Variants in MYLK observed in about 807,000 individuals in gnomAD.
MYLK encodes the protein myosin light chain kinase, smooth muscle.
A neutral mutation model predicts 203.4 loss-of-function variants in MYLK; 106 were observed. The ratio of observed to expected loss-of-function variants is 0.52; its 90% CI spans 0.45 to 0.61. The LOEUF (loss-of-function observed/expected upper bound fraction) is 0.61, where lower values mean the gene tolerates loss of function less well. Ranked by LOEUF, MYLK falls within the 20% of genes least tolerant of loss-of-function variation. The pLI is 0.00. For missense variants in MYLK, 2,072 were observed against 2,442.3 expected (o/e 0.85, Z 3.20); for synonymous variants, 867 against 959.5 (o/e 0.90, Z 1.78).
rs902017314 is a variant in MYLK, at chr3:123,855,292, A to C, written c.-127+21267T>G. Among the ~76,000 whole-genome samples the C allele has an allele frequency of 2.0e-5, 3 of 152,182 alleles. No homozygotes were observed. The South Asian group carries it at 6.2e-4, about 32-fold the overall frequency. Reference sequence around the variant, plus strand: ...GTTCTTTCATGTTTTTGACATCTTTATATTTCTGTGCCGCAGCCAGGCTAA... The same window carrying C: ...GTTCTTTCATGTTTTTGACATCTTTCTATTTCTGTGCCGCAGCCAGGCTAA... On this transcript the variant is annotated intron_variant, in intron 2 of 33. Transcript: ENST00000360304.
At chr3:123,841,747 T>C (rs1196726639) in intron 2 of MYLK, among the ~76,000 whole-genome samples, 1 of 152,156 alleles carries the variant, frequency 6.6e-6, no homozygotes, top group African/African-American at 2.4e-5. Context: ...ATCCAGTTCT[T>C]TTATACACCA....
chr3:123,672,248 A>C (rs1158495894), intron 20 of MYLK, among the ~76,000 whole-genome samples: 2 of 151,868 alleles, frequency 1.3e-5, no homozygotes, highest in African/African-American at 4.8e-5. Context: ...CGAGAGAGAA[A>C]GAGGGAGGAA....
intron 5 of MYLK, among the ~76,000 whole-genome samples, chr3:123,751,546 G>C (rs1387815356): frequency 2.0e-5 from 3 of 152,132 alleles, no homozygotes; most frequent in Non-Finnish European, 4.4e-5. Context: ...ATTTCATAAT[G>C]ACGCTAAAGA....
intron 3 of MYLK, among the ~76,000 whole-genome samples, chr3:123,824,048 C>G (rs965094051): frequency 6.6e-6 from 1 of 152,026 alleles, no homozygotes; most frequent in Non-Finnish European, 1.5e-5. Flanking sequence ...CCCCTCTACC[C>G]AATCTCTTCA....
At chr3:123,776,657 A>T (rs534377142) in intron 4 of MYLK, among the ~76,000 whole-genome samples, 1 of 152,366 alleles carries the variant, frequency 6.6e-6, no homozygotes, top group African/African-American at 2.4e-5. Context: ...AGCAGGATAC[A>T]AAACACTATG....
chr3:123,656,056 G>T (rs144121599), intron 24 of MYLK, among the ~76,000 whole-genome samples: 4 of 152,174 alleles, frequency 2.6e-5, no homozygotes, highest in Admixed American at 1.3e-4. Context: ...CTTGAAGTTC[G>T]TGCCCTTTCC....
rs1184266782 is a variant in MYLK, at chr3:123,737,683, C to T, written c.589-140G>A. On this transcript the variant is annotated intron_variant, in intron 7 of 33. Transcript: ENST00000360304. ...CTCTGCTGTGGGCCCTGTCAATGTG[C>T]TCAGAGAGCCAACTTTAAACAGTTC... 9.0e-6 allele frequency: 10 copies of T among 1,107,404 alleles called. No homozygotes were observed. In the East Asian group the frequency reaches 2.2e-4, roughly 24 times the overall value. The allele number at this position is 1,107,404 out of a possible 1,614,324, so 68.6% of individuals were successfully genotyped here.
chr3:123,674,526 G>A (rs1173879604), intron 20 of MYLK, among the ~76,000 whole-genome samples: 1 of 152,176 alleles, frequency 6.6e-6, no homozygotes, highest in Non-Finnish European at 1.5e-5. Context: ...TTCCCAAGAG[G>A]GAACAACTTT....
chr3:123,751,140 T>C (rs2063179671), intron 5 of MYLK, among the ~76,000 whole-genome samples: 2 of 152,228 alleles, frequency 1.3e-5, no homozygotes, highest in Non-Finnish European at 1.5e-5. Flanking sequence ...CCTTGGTTTA[T>C]AAACTTCCAG....
intron 1 of MYLK, among the ~76,000 whole-genome samples, chr3:123,879,838 T>C (rs554267917): frequency 9.9e-5 from 15 of 152,268 alleles, no homozygotes; most frequent in African/African-American, 3.4e-4. Context: ...GTATTTTTAG[T>C]AGAGACGGGG....
chr3:123,625,276 G>C (rs534971418), intron 31 of MYLK: 1 of 152,142 alleles, frequency 6.6e-6, no homozygotes, highest in African/African-American at 2.4e-5. Context: ...AGAACTATCC[G>C]GATAGTTTAT....
At chr3:123,866,288 T>A (rs762357150) in intron 2 of MYLK, among the ~76,000 whole-genome samples, 3 of 152,210 alleles carry the variant, frequency 2.0e-5, no homozygotes, top group Non-Finnish European at 4.4e-5. Context: ...CAGTCTTGGC[T>A]AGGGGGCTGG....
intron 2 of MYLK, among the ~76,000 whole-genome samples, chr3:123,874,384 A>G (rs1376557128): frequency 6.6e-6 from 1 of 152,196 alleles, no homozygotes; most frequent in African/African-American, 2.4e-5. Flanking sequence ...ACACAATTCA[A>G]TAAGAGAAGG....
At chr3:123,782,746 C>T (rs1038595345) in intron 4 of MYLK, among the ~76,000 whole-genome samples, 20 of 152,212 alleles carry the variant, frequency 1.3e-4, no homozygotes, top group Non-Finnish European at 1.5e-5. Context: ...CACGTTAAAA[C>T]AATAGGAGCC....
At chr3:123,627,583 G>C (rs1174713144) in intron 30 of MYLK, among the ~76,000 whole-genome samples, 1 of 152,152 alleles carries the variant, frequency 6.6e-6, no homozygotes, top group Non-Finnish European at 1.5e-5. Flanking sequence ...ACAGGACTAG[G>C]AAAGCCTAAA....
Position 123,747,427 on chromosome 3 carries a change from C to T in MYLK, c.373+4904G>A, listed in dbSNP as rs570455315. ...GGGGTAGGGAGGAGGTGTGCTTGGA[C>T]CATCTGGGAGGGGAGAGCCAGGCAG... On this transcript the variant is annotated intron_variant, in intron 5 of 33. Coordinates refer to ENST00000360304, the MANE Select transcript of MYLK (RefSeq NM_053025.4). Among the ~76,000 whole-genome samples the T allele has an allele frequency of 5.3e-5, 8 of 152,228 alleles. No homozygotes were observed. The East Asian group carries it at 1.5e-3, about 29-fold the overall frequency.
At chr3:123,772,835 T>C (rs1483754581) in intron 4 of MYLK, among the ~76,000 whole-genome samples, 1 of 151,992 alleles carries the variant, frequency 6.6e-6, no homozygotes, top group Non-Finnish European at 1.5e-5. Context: ...ATAGGTAAAG[T>C]GATAACTAGT....
rs546600441 is a variant in MYLK, at chr3:123,627,357, T to C, written c.5115-416A>G. ...CACCCTGTCTGGAGGAGGGGAGAGT[T>C]AAATCCTAGGATAAAATCTCCGACA... On this transcript the variant is annotated intron_variant, in intron 30 of 33. Transcript: ENST00000360304. Among the ~76,000 whole-genome samples, 7 of 152,316 alleles carry C rather than the reference T, an allele frequency of 4.6e-5. 1 individual carries two copies. In the South Asian group the frequency reaches 1.4e-3, roughly 32 times the overall value.
chr3:123,677,235 C>T (rs903379440), intron 20 of MYLK, among the ~76,000 whole-genome samples: 6 of 152,320 alleles, frequency 3.9e-5, no homozygotes, highest in East Asian at 3.9e-4. Flanking sequence ...TTCCATCCAA[C>T]GGGCTGATGC....
Sources: allele counts gnomAD v4.1 joint callset (sites outside exome capture counted in the v4.1 genomes callset), GRCh38; gene constraint gnomAD v4.1.1; transcripts MANE v1.5; gene names NCBI Gene and HGNC (gene_info 2026-07-23, HGNC 2026-07-21).